GABRG3: variants seen among roughly 807,000 people sequenced by gnomAD.
GABRG3 encodes the protein gamma-aminobutyric acid type A receptor subunit gamma3.
In GABRG3, 25 loss-of-function variants were observed where a neutral mutation model predicts 48.8. That is an observed-to-expected ratio of 0.51 (90% confidence interval 0.37 to 0.72). The LOEUF (loss-of-function observed/expected upper bound fraction) is 0.72. GABRG3 is among the 30% of genes least tolerant of loss of function. GABRG3 has a pLI of 0.00. For synonymous variants in GABRG3, 227 were observed against 217.6 expected (o/e 1.04, Z -0.38); for missense variants, 394 against 577.9 (o/e 0.68, Z 3.26).
chr15:27,469,817 C>T (rs62003778), intron 5 of GABRG3, among the ~76,000 whole-genome samples: 1 of 152,290 alleles, frequency 6.6e-6, no homozygotes. Flanking sequence ...TAGAACTTTG[C>T]TTAGCTTCAA....
At chr15:27,211,389 CAAAT>C (rs150073626) in intron 3 of GABRG3, among the ~76,000 whole-genome samples, 7,214 of 152,282 alleles carry the variant, frequency 0.047, 221 homozygotes, top group South Asian at 0.075. Flanking sequence ...GCTTAGGAAA[CAAAT>C]AATCCGTGAA....
At chr15:27,099,982 C>T (rs1011086984) in intron 3 of GABRG3, among the ~76,000 whole-genome samples, 1 of 151,896 alleles carries the variant, frequency 6.6e-6, no homozygotes, top group East Asian at 1.9e-4. Context: ...TTTGGGAGGC[C>T]GAAGTGGGCA....
intron 5 of GABRG3, among the ~76,000 whole-genome samples, chr15:27,459,194 T>TC (rs1447005197): frequency 4.6e-5 from 7 of 152,166 alleles, no homozygotes; most frequent in Non-Finnish European, 1.0e-4. Flanking sequence ...AAAATGCTGC[T>TC]CTCCTGGTGA....
intron 5 of GABRG3, among the ~76,000 whole-genome samples, chr15:27,342,855 C>T (rs1472701282): frequency 6.6e-6 from 1 of 152,226 alleles, no homozygotes; most frequent in Non-Finnish European, 1.5e-5. Context: ...TCACCTGCTC[C>T]TGCCTCCTAG....
intron 3 of GABRG3, among the ~76,000 whole-genome samples, chr15:27,299,960 G>T (rs1595651813): frequency 6.6e-6 from 1 of 152,162 alleles, no homozygotes; most frequent in South Asian, 2.1e-4. Flanking sequence ...GTCTTGGCTT[G>T]TGTATGTCTA....
Position 27,352,489 on chromosome 15 carries a change from C to T in GABRG3, c.574+23601C>T, listed in dbSNP as rs1255524982. Among the ~76,000 whole-genome samples, 4 of 151,920 alleles carry T rather than the reference C, an allele frequency of 2.6e-5. No homozygotes were observed. The highest frequency in any genetic ancestry group is 7.3e-5 in the African/African-American group (3 of 41,342). On this transcript the variant is annotated intron_variant, in intron 5 of 9. Transcript: ENST00000615808. This position sits in a 1 kb window ranked among gnomAD's most constrained non-coding sequence, Gnocchi z 4.0. Reference sequence around the variant, plus strand: ...TCTTCTAATTAGTACGAAAAAGATTCGAGAATTGGATCCTAGGAATGAGAA... The same window carrying T: ...TCTTCTAATTAGTACGAAAAAGATTTGAGAATTGGATCCTAGGAATGAGAA...
chr15:27,083,344 GA>G (rs1179107097), intron 3 of GABRG3, among the ~76,000 whole-genome samples: 1 of 83,182 alleles, frequency 1.2e-5, no homozygotes, highest in Non-Finnish European at 2.1e-5. Context: ...AAGAGCTATT[GA>G]TTTTTTTTTT....
chr15:27,128,025 G>A lies in GABRG3; in HGVS notation c.270+101204G>A, dbSNP rs183304090. 3.0e-3 allele frequency among the ~76,000 whole-genome samples: 455 copies of A among 152,298 alleles called. 1 individual carries two copies. The highest frequency in any genetic ancestry group is 0.011 in the African/African-American group (440 of 41,566). On this transcript the variant is annotated intron_variant, in intron 3 of 9. Transcript: ENST00000615808. ...CCTGGGTATGGAAGGCGATAAAATG[G>A]ACACATCTCATGACATATAAAGGGA...
intron 3 of GABRG3, among the ~76,000 whole-genome samples, chr15:27,256,857 T>C (rs1404349004): frequency 6.6e-6 from 1 of 152,196 alleles, no homozygotes; most frequent in Non-Finnish European, 1.5e-5. Context: ...CCATGTCATA[T>C]TGTGAATACT....
intron 3 of GABRG3, among the ~76,000 whole-genome samples, chr15:27,082,134 A>G (rs1897002215): frequency 6.6e-6 from 1 of 152,190 alleles, no homozygotes; most frequent in Non-Finnish European, 1.5e-5. Context: ...GTAGGTTCAG[A>G]CATGGCCCTG....
At chr15:27,347,299 G>T (rs530267964) in intron 5 of GABRG3, among the ~76,000 whole-genome samples, 1 of 152,330 alleles carries the variant, frequency 6.6e-6, no homozygotes, top group Admixed American at 6.5e-5. Context: ...GCCAACGGAG[G>T]TTTGTTCTGT....
chr15:27,102,812 A>C lies in GABRG3; in HGVS notation c.270+75991A>C, dbSNP rs1003042633. Among the ~76,000 whole-genome samples the C allele has an allele frequency of 8.7e-4, 133 of 152,308 alleles. 2 individuals carry two copies. The highest frequency in any genetic ancestry group is 1.0e-4 in the Non-Finnish European group (7 of 68,022). On this transcript the variant is annotated intron_variant, in intron 3 of 9. Coordinates refer to ENST00000615808, the MANE Select transcript of GABRG3 (RefSeq NM_033223.5). ...GGTTGTTAATATCTTATTTACCGACATAAGTATATAATTTGTATGTGTTGA... is the reference window on the plus strand; with the variant it reads ...GGTTGTTAATATCTTATTTACCGACCTAAGTATATAATTTGTATGTGTTGA...
At chr15:27,361,371 T>C (rs373053859) in intron 5 of GABRG3, among the ~76,000 whole-genome samples, 45 of 152,310 alleles carry the variant, frequency 3.0e-4, no homozygotes, top group African/African-American at 9.9e-4. Context: ...CAATGTGGCC[T>C]TGGGATTCTG....
At chr15:27,362,128 T>C (rs1456293595) in intron 5 of GABRG3, among the ~76,000 whole-genome samples, 1 of 152,232 alleles carries the variant, frequency 6.6e-6, no homozygotes, top group Non-Finnish European at 1.5e-5. Context: ...CTTGCTAGAC[T>C]GGATGTTCTC....
rs959871257 is a variant in GABRG3, at chr15:27,538,292, A to G, written c.*5411A>G. The G allele has an allele frequency of 3.3e-5, 5 of 152,248 alleles. No homozygotes were observed. Among genetic ancestry groups the G allele is most frequent in the Non-Finnish European group, 7.3e-5 (5 of 68,046 alleles). The allele number at this position is 152,248 out of a possible 1,614,324, so 9.4% of individuals were successfully genotyped here. A position where few individuals can be genotyped will look rare whatever the true frequency, so the allele number is the denominator to read the frequency against. On this transcript the variant is annotated 3_prime_UTR_variant, in exon 10 of 10. Transcript: ENST00000615808. ...AAATCAGTGCTGAAAAACTAGTTGA[A>G]CAATCAGTCACTGACAAGTTTTCAA...
intron 3 of GABRG3, among the ~76,000 whole-genome samples, chr15:27,307,267 G>A (rs1334748690): frequency 2.9e-5 from 4 of 137,060 alleles, no homozygotes; most frequent in African/African-American, 1.1e-4. Context: ...CATATTATAT[G>A]TTTATATATA....
At chr15:27,244,244 A>C (rs1288177118) in intron 3 of GABRG3, among the ~76,000 whole-genome samples, 1 of 152,180 alleles carries the variant, frequency 6.6e-6, no homozygotes, top group Non-Finnish European at 1.5e-5. Context: ...ATATGGAATG[A>C]AATATGTTAA....
At chr15:27,262,617 T>C (rs1045869088) in intron 3 of GABRG3, among the ~76,000 whole-genome samples, 2 of 152,194 alleles carry the variant, frequency 1.3e-5, no homozygotes, top group East Asian at 3.9e-4. Context: ...CTGGTGTAGA[T>C]ATTGTCTTCG....
At chr15:27,348,771 A>G (rs1294903361) in intron 5 of GABRG3, among the ~76,000 whole-genome samples, 3 of 152,248 alleles carry the variant, frequency 2.0e-5, no homozygotes, top group Admixed American at 6.5e-5. Flanking sequence ...TTAAGTTATT[A>G]AAGTCAGGAT....
Sources: gnomAD v4.1 joint callset for allele counts (sites outside exome capture counted in the v4.1 genomes callset) on GRCh38, gnomAD v4.1.1 for gene constraint, Gnocchi (gnomAD v3.1) non-coding constraint, MANE v1.5 for transcripts, NCBI Gene and HGNC (gene_info 2026-07-23, HGNC 2026-07-21) for gene names.